Variants in PRSS12 observed in about 807,000 individuals in gnomAD.
The protein encoded by PRSS12 is serine protease 12.
Under a neutral mutation model 104.4 loss-of-function variants are expected in PRSS12, and 85 were observed. The observed-to-expected ratio is 0.81, with a 90% CI of 0.68 to 0.98. The LOEUF is 0.98. PRSS12 is among the 50% of genes least tolerant of loss of function. The pLI is 0.00. For synonymous variants in PRSS12, 454 were observed against 425.2 expected (o/e 1.07, Z -0.83); for missense variants, 1,141 against 1,139.2 (o/e 1.00, Z -0.02).
Position 118,335,534 on chromosome 4 carries a change from G to C in PRSS12, c.759C>G (p.Ile253Met). ...TCTGAGGACACACCCCACCCTGCCA[G>C]ATGTCTTTTTCACAAAGCAGTATAT... Reference protein sequence around the residue: ...EENILLCEKDIWQGGVCPQKM... With the variant: ...EENILLCEKDMWQGGVCPQKM... The change falls in exon 3 of 13, where the codon ATC (isoleucine) becomes ATG (methionine). Residue 253 changes from isoleucine to methionine, a missense_variant. Physicochemically the swap from Ile to Met is conservative, Grantham distance 10. Transcript: ENST00000296498. 6.2e-6 allele frequency: 10 copies of C among 1,614,004 alleles called. No individual in the cohort carries two copies. The highest frequency in any genetic ancestry group is 8.5e-6 in the Non-Finnish European group (10 of 1,179,976).
intron 4 of PRSS12, among the ~76,000 whole-genome samples, chr4:118,325,421 T>G (rs1723746915): frequency 6.6e-6 from 1 of 151,820 alleles, no homozygotes; most frequent in East Asian, 1.9e-4. Flanking sequence ...TAAAATAAAC[T>G]AATCAGAATA....
At chr4:118,320,817 C>T (rs1166732921) in intron 4 of PRSS12, among the ~76,000 whole-genome samples, 1 of 152,064 alleles carries the variant, frequency 6.6e-6, no homozygotes, top group Non-Finnish European at 1.5e-5. Context: ...TCCGTCATCA[C>T]CTGACTCACT....
chr4:118,295,913 C>T (rs767503679), intron 9 of PRSS12, 57 bp from the exon 10 acceptor site: 286 of 1,441,878 alleles, frequency 2.0e-4, no homozygotes, highest in Non-Finnish European at 2.7e-4. Flanking sequence ...AGGGGTAAGA[C>T]GATAAGTGAC....
chr4:118,322,441 G>C (rs1723655586), intron 4 of PRSS12, among the ~76,000 whole-genome samples: 1 of 151,904 alleles, frequency 6.6e-6, no homozygotes, highest in African/African-American at 2.4e-5. Context: ...TGCTACTTGG[G>C]AGGCTGCGGC....
Position 118,281,339 on chromosome 4 carries a change from A to G in PRSS12, c.*597T>C, listed in dbSNP as rs1386236748. On this transcript the variant is annotated 3_prime_UTR_variant, in exon 13 of 13. Coordinates refer to ENST00000296498, the MANE Select transcript of PRSS12 (RefSeq NM_003619.4). ...TCAACAAGGATACTTGTTTCCAAATATCAGATCACTTTGAGAATATATTGT... is the reference window on the plus strand; with the variant it reads ...TCAACAAGGATACTTGTTTCCAAATGTCAGATCACTTTGAGAATATATTGT... The G allele has an allele frequency of 6.4e-6, 1 of 156,092 alleles. No homozygotes were observed. The highest frequency in any genetic ancestry group is 1.4e-5 in the Non-Finnish European group (1 of 70,308). The allele number at this position is 156,092 out of a possible 1,614,324, so 9.7% of individuals were successfully genotyped here.
intron 9 of PRSS12, among the ~76,000 whole-genome samples, chr4:118,297,608 G>A (rs1001585351): frequency 1.3e-5 from 2 of 151,966 alleles, no homozygotes; most frequent in Non-Finnish European, 2.9e-5. Context: ...CCCTCAGACA[G>A]CAAAGAATCA....
intron 12 of PRSS12, 79 bp downstream of exon 12, chr4:118,282,752 T>G: frequency 6.3e-7 from 1 of 1,583,530 alleles, no homozygotes; most frequent in South Asian, 1.1e-5. Flanking sequence ...ATTTAAGATC[T>G]TATTGCCCAT....
At chr4:118,288,870 A>C (rs1743067326) in intron 11 of PRSS12, among the ~76,000 whole-genome samples, 2 of 152,260 alleles carry the variant, frequency 1.3e-5, no homozygotes, top group African/African-American at 4.8e-5. Context: ...AGGCTACTGC[A>C]TTCCATGTGT....
intron 8 of PRSS12, among the ~76,000 whole-genome samples, chr4:118,299,165 T>A (rs1158813309): frequency 6.6e-6 from 1 of 152,192 alleles, no homozygotes; most frequent in African/African-American, 2.4e-5. Flanking sequence ...TGCCTCTAAT[T>A]TAGCTTTTTC....
chr4:118,301,200 T>C (rs1743397964), intron 8 of PRSS12, among the ~76,000 whole-genome samples: 1 of 152,210 alleles, frequency 6.6e-6, no homozygotes, highest in African/African-American at 2.4e-5. Context: ...AATAACCTGC[T>C]GATTTGAAAG....
intron 4 of PRSS12, among the ~76,000 whole-genome samples, chr4:118,322,372 A>G (rs1723651019): frequency 6.6e-6 from 1 of 152,228 alleles, no homozygotes; most frequent in African/African-American, 2.4e-5. Flanking sequence ...CAATGTAGTG[A>G]AACCCTATCT....
chr4:118,332,002 C>CAT, intron 3 of PRSS12, 136 bp from the exon 4 acceptor site: 1 of 1,017,740 alleles, frequency 9.8e-7, no homozygotes, highest in Admixed American at 2.5e-5. Context: ...TATGGACATA[C>CAT]GTATATATAT....
intron 8 of PRSS12, among the ~76,000 whole-genome samples, chr4:118,301,125 TTC>T (rs1743396327): frequency 1.3e-5 from 2 of 152,174 alleles, no homozygotes; most frequent in African/African-American, 2.4e-5. Context: ...TGAAATTTAT[TTC>T]TGTCTTACTA....
intron 11 of PRSS12, among the ~76,000 whole-genome samples, chr4:118,284,834 G>C (rs947171540): frequency 3.3e-5 from 5 of 152,070 alleles, no homozygotes; most frequent in Non-Finnish European, 5.9e-5. Context: ...GTTAAAGTGG[G>C]GAAGCACGCA....
Position 118,282,012 on chromosome 4 carries a change from C to G in PRSS12, c.2552G>C (p.Gly851Ala). 16 of 1,606,330 alleles carry G rather than the reference C, an allele frequency of 1.0e-5. No individual in the cohort carries two copies. Among genetic ancestry groups the G allele is most frequent in the Non-Finnish European group, 1.4e-5 (16 of 1,172,836 alleles). The change falls in exon 13 of 13, where the codon GGA (glycine) becomes GCA (alanine). Residue 851 changes from glycine (G) to alanine (A), a missense_variant. Transcript: ENST00000296498. ...ATAAACACCAGGAGAATCCTTGACT[C>G]CACAGCCATACCCCCAGGAGGTCAC... ...YGVTSWGYGCGVKDSPGVYTK... is the reference protein window; with the variant it reads ...YGVTSWGYGCAVKDSPGVYTK...
chr4:118,290,524 A>G (rs1743104340), intron 11 of PRSS12, among the ~76,000 whole-genome samples: 1 of 152,192 alleles, frequency 6.6e-6, no homozygotes, highest in Non-Finnish European at 1.5e-5. Flanking sequence ...TTTCACTAAT[A>G]TAGTCTTCAA....
At position 118,336,786 on chromosome 4, in the gene PRSS12, A is replaced by G. The variant is rs551889218; in HGVS notation, c.642-1135T>C. ...CGGGGTAATAAAAGCACAAATAGGT[A>G]TGTATATAAAGGAAGACATTGACAT... On this transcript the variant is annotated intron_variant, in intron 2 of 12. Coordinates refer to ENST00000296498, the MANE Select transcript of PRSS12 (RefSeq NM_003619.4). Among the ~76,000 whole-genome samples, 11 of 152,328 alleles carry G rather than the reference A, an allele frequency of 7.2e-5. No individual in the cohort carries two copies. In the East Asian group the frequency reaches 2.1e-3, roughly 29 times the overall value.
In PRSS12 at chr4:118,281,953, T is replaced by C; in HGVS notation, c.2611A>G (p.Ser871Gly). ...ATGAAGAATTACAGTTTGGTGACAC[T>C]TTTTATCCAAGGTACAAAGGCTGAG... Reference protein sequence around the residue: ...KVSAFVPWIKSVTKL With the variant: ...KVSAFVPWIKGVTKL The change falls in exon 13 of 13, where the codon AGT becomes GGT. Residue 871 changes from serine (S) to glycine (G), a missense_variant. Coordinates refer to ENST00000296498, the MANE Select transcript of PRSS12 (RefSeq NM_003619.4). 1 of 1,391,418 alleles carries C rather than the reference T, an allele frequency of 7.2e-7. No homozygotes were observed. The highest frequency in any genetic ancestry group is 1.0e-6 in the Non-Finnish European group (1 of 976,368). 86.2% of individuals were successfully genotyped at this position (1,391,418 alleles called of 1,614,324 possible). A position where few individuals can be genotyped will look rare whatever the true frequency, so the allele number is the denominator to read the frequency against.
chr4:118,352,721 G>T lies in PRSS12; in HGVS notation c.-1C>A. 6.2e-7 allele frequency: 1 copy of T among 1,612,750 alleles called. No homozygotes were observed. The highest frequency in any genetic ancestry group is 8.5e-7 in the Non-Finnish European group (1 of 1,179,282). On this transcript the variant is annotated 5_prime_UTR_variant, in exon 1 of 13. Transcript: ENST00000296498. ...CTAGCACGAAGCGGGCGAGCGTCATGGTGCCAGCGCTGCGGGGTCTGGTCC... is the reference window on the plus strand; with the variant it reads ...CTAGCACGAAGCGGGCGAGCGTCATTGTGCCAGCGCTGCGGGGTCTGGTCC...
Sources: allele counts gnomAD v4.1 joint callset (sites outside exome capture counted in the v4.1 genomes callset), GRCh38; gene constraint gnomAD v4.1.1; transcripts MANE v1.5; gene names NCBI Gene and HGNC (gene_info 2026-07-23, HGNC 2026-07-21).